LRIF1: variants seen among roughly 807,000 people sequenced by gnomAD.
The protein encoded by LRIF1 is ligand-dependent nuclear receptor-interacting factor 1.
A neutral mutation model predicts 52.7 loss-of-function variants in LRIF1; 32 were observed. The ratio of observed to expected loss-of-function variants is 0.61; its 90% CI spans 0.46 to 0.82. LRIF1 has a LOEUF of 0.82. LRIF1 is among the 40% of genes least tolerant of loss of function. LRIF1 has a pLI of 0.00. For synonymous variants in LRIF1, 323 were observed against 317.4 expected (o/e 1.02, Z -0.19); for missense variants, 887 against 892.0 (o/e 0.99, Z 0.07).
chr1:110,953,274 C>T (rs1658558771), intron 1 of LRIF1, among the ~76,000 whole-genome samples: 1 of 152,146 alleles, frequency 6.6e-6, no homozygotes, highest in South Asian at 2.1e-4. Context: ...CAATAACTCA[C>T]AAGTTCTGCC....
At chr1:110,961,995 G>A (rs1658972432) in intron 1 of LRIF1, among the ~76,000 whole-genome samples, 2 of 150,084 alleles carry the variant, frequency 1.3e-5, no homozygotes, top group Non-Finnish European at 3.0e-5. Context: ...ACTTATGAAT[G>A]TAATTTGTAA....
chr1:110,949,720 TTATG>T, intron 3 of LRIF1, 127 bp downstream of exon 3: 2 of 1,003,486 alleles, frequency 2.0e-6, no homozygotes, highest in Non-Finnish European at 2.9e-6. Flanking sequence ...CATTTTGGTA[TTATG>T]TATTTGCAAA....
At chr1:110,897,932 A>T in the LRIF1 span, 2 of 1,166,332 alleles carry the variant, frequency 1.7e-6, no homozygotes, top group Non-Finnish European at 2.5e-6. Flanking sequence ...GGATTACATG[A>T]GTTAAGTCAG....
the LRIF1 span, among the ~76,000 whole-genome samples, chr1:110,908,888 C>A: frequency 2.0e-5 from 3 of 152,122 alleles, no homozygotes; most frequent in East Asian, 1.9e-4. Context: ...ATTCAGAGAA[C>A]CCCTGTAAGA....
chr1:110,937,551 T>C, the LRIF1 span: 1 of 151,964 alleles, frequency 6.6e-6, no homozygotes. Flanking sequence ...AAACACAACA[T>C]ACCAAAACTT....
the LRIF1 span, among the ~76,000 whole-genome samples, chr1:110,878,805 G>A: frequency 6.6e-6 from 1 of 151,906 alleles, no homozygotes; most frequent in Non-Finnish European, 1.5e-5. Flanking sequence ...TCTTAACAGA[G>A]TTCAGTGGAG....
downstream of LRIF1, among the ~76,000 whole-genome samples, chr1:110,946,482 G>C (rs950771637): frequency 6.6e-6 from 1 of 151,956 alleles, no homozygotes; most frequent in South Asian, 2.1e-4. Context: ...TTAAAAAGCT[G>C]GATTTTACAG....
the LRIF1 span, chr1:110,896,598 C>CT: frequency 6.5e-7 from 1 of 1,546,560 alleles, no homozygotes; most frequent in South Asian, 1.1e-5. Context: ...AGGTCCACAG[C>CT]TTTTTTTCAC....
At chr1:110,939,287 A>G in the LRIF1 span, 1 of 148,646 alleles carries the variant, frequency 6.7e-6, no homozygotes. Context: ...CTGAGGCAGG[A>G]GAATGGCATG....
chr1:110,952,930 T>C (rs1377154816), intron 1 of LRIF1, 115 bp from the exon 2 acceptor site: 4 of 596,680 alleles, frequency 6.7e-6, no homozygotes, highest in African/African-American at 5.8e-5. Flanking sequence ...TAATTTTCCA[T>C]TTTGAGTTTT....
chr1:110,892,805 G>T, the LRIF1 span: 1 of 344,192 alleles, frequency 2.9e-6, no homozygotes, highest in Non-Finnish European at 5.3e-6. Flanking sequence ...CCCCTTTATA[G>T]CATTTTATTT....
the LRIF1 span, among the ~76,000 whole-genome samples, chr1:110,928,889 T>C: frequency 1.3e-5 from 2 of 152,154 alleles, no homozygotes; most frequent in Admixed American, 1.3e-4. Flanking sequence ...TTGTGTAGAA[T>C]TTGCCATCTA....
the LRIF1 span, among the ~76,000 whole-genome samples, chr1:110,909,742 G>C: frequency 6.6e-6 from 1 of 151,788 alleles, no homozygotes; most frequent in Non-Finnish European, 1.5e-5. Flanking sequence ...CACCACACCT[G>C]GCTAATTTTT....
the LRIF1 span, among the ~76,000 whole-genome samples, chr1:110,931,196 CGTT>C: frequency 6.6e-6 from 1 of 152,088 alleles, no homozygotes; most frequent in Non-Finnish European, 1.5e-5. Flanking sequence ...CATGTGTTCT[CGTT>C]GTTCAATTCC....
the LRIF1 span, among the ~76,000 whole-genome samples, chr1:110,882,589 T>C: frequency 1.3e-5 from 2 of 152,172 alleles, no homozygotes; most frequent in African/African-American, 4.8e-5. Context: ...AGAATTAATT[T>C]CTTGAAGCCT....
the LRIF1 span, among the ~76,000 whole-genome samples, chr1:110,922,409 T>C: frequency 6.6e-6 from 1 of 152,216 alleles, no homozygotes; most frequent in African/African-American, 2.4e-5. Flanking sequence ...GGGGCTTTGA[T>C]CATGGACTTC....
At chr1:110,909,198 C>T in the LRIF1 span, among the ~76,000 whole-genome samples, 2 of 152,128 alleles carry the variant, frequency 1.3e-5, no homozygotes, top group Non-Finnish European at 2.9e-5. Flanking sequence ...TACCACCAGA[C>T]CTGCCTTACA....
the LRIF1 span, chr1:110,896,689 A>G: frequency 6.2e-7 from 1 of 1,613,386 alleles, no homozygotes; most frequent in African/African-American, 1.3e-5. Context: ...GAGTGATTGG[A>G]CCAGTGGCCC....
At chr1:110,878,006 G>C in the LRIF1 span, among the ~76,000 whole-genome samples, 13 of 152,156 alleles carry the variant, frequency 8.5e-5, no homozygotes, top group African/African-American at 3.1e-4. Context: ...ACCAGAGCCT[G>C]GGACGGTGGA....
Sources: allele counts gnomAD v4.1 joint callset (sites outside exome capture counted in the v4.1 genomes callset), GRCh38; gene constraint gnomAD v4.1.1; transcripts MANE v1.5; gene names NCBI Gene and HGNC (gene_info 2026-07-23, HGNC 2026-07-21).